The following NR3C2 variants were observed in gnomAD, a reference collection of about 807,000 sequenced individuals.
NR3C2 encodes the protein nuclear receptor subfamily 3 group C member 2.
A neutral mutation model predicts 86.4 loss-of-function variants in NR3C2; 15 were observed. That is an observed-to-expected ratio of 0.17 (90% CI 0.12 to 0.27). NR3C2 has a LOEUF of 0.27. Ranked by LOEUF, NR3C2 falls within the 10% of genes least tolerant of loss-of-function variation. The pLI is 1.00. For synonymous variants in NR3C2, 458 were observed against 450.5 expected (o/e 1.02, Z -0.21); for missense variants, 960 against 1,195.6 (o/e 0.80, Z 2.91).
At chr4:148,401,312 CT>C (rs1355578734) in intron 2 of NR3C2, among the ~76,000 whole-genome samples, 1 of 152,166 alleles carries the variant, frequency 6.6e-6, no homozygotes, top group Non-Finnish European at 1.5e-5. Flanking sequence ...TGTCTCCCTA[CT>C]AGCAGAAGGT....
intron 3 of NR3C2, among the ~76,000 whole-genome samples, chr4:148,205,795 A>G (rs1158436153): frequency 6.6e-6 from 1 of 152,238 alleles, no homozygotes; most frequent in Non-Finnish European, 1.5e-5. Flanking sequence ...TCACAGAAGA[A>G]ATAACAATAG....
At chr4:148,279,192 G>A (rs1022532298) in intron 2 of NR3C2, among the ~76,000 whole-genome samples, 2 of 151,968 alleles carry the variant, frequency 1.3e-5, no homozygotes, top group Non-Finnish European at 2.9e-5. Flanking sequence ...TTCTGGCTTT[G>A]AAACTAGTCT....
At chr4:148,163,389 T>C (rs1233565023) in intron 4 of NR3C2, among the ~76,000 whole-genome samples, 3 of 152,194 alleles carry the variant, frequency 2.0e-5, no homozygotes, top group Admixed American at 2.0e-4. Flanking sequence ...GAAAGAAATC[T>C]CTCTGGCTCA....
chr4:148,270,033 T>C lies in NR3C2; in HGVS notation c.1758-9916A>G, dbSNP rs539084709. 2.0e-5 allele frequency among the ~76,000 whole-genome samples: 3 copies of C among 152,096 alleles called. No individual in the cohort carries two copies. In the South Asian group the frequency reaches 6.2e-4, roughly 32 times the overall value. On this transcript the variant is annotated intron_variant, in intron 2 of 8. Coordinates refer to ENST00000358102, the MANE Select transcript of NR3C2 (RefSeq NM_000901.5). The stretch of plus-strand genomic sequence containing the variant: ...GAGGACTGATGGGTACCGGACCTAA[T>C]GTGAATCTTGAACACAAGTTATTTA...
At chr4:148,321,406 G>A (rs1236679336) in intron 2 of NR3C2, among the ~76,000 whole-genome samples, 10 of 151,468 alleles carry the variant, frequency 6.6e-5, no homozygotes, top group Non-Finnish European at 1.0e-4. Flanking sequence ...GCTTGGTGCA[G>A]AGCTGAGTTC....
intron 6 of NR3C2, among the ~76,000 whole-genome samples, chr4:148,127,670 A>C (rs962229261): frequency 3.9e-5 from 6 of 152,232 alleles, no homozygotes; most frequent in African/African-American, 1.4e-4. Flanking sequence ...TCTTATTTGC[A>C]GGAACAGAAT....
At chr4:148,220,598 G>A (rs1737785078) in intron 3 of NR3C2, among the ~76,000 whole-genome samples, 2 of 152,152 alleles carry the variant, frequency 1.3e-5, no homozygotes, top group African/African-American at 2.4e-5. Flanking sequence ...CTGAGCACAG[G>A]AGTTTGAGAC....
intron 2 of NR3C2, among the ~76,000 whole-genome samples, chr4:148,278,934 G>A (rs887575511): frequency 1.3e-5 from 2 of 151,220 alleles, no homozygotes; most frequent in East Asian, 1.9e-4. Flanking sequence ...AGGCTGAGAC[G>A]GGTAGATCAC....
intron 3 of NR3C2, among the ~76,000 whole-genome samples, chr4:148,196,133 C>T (rs1224522090): frequency 6.6e-6 from 1 of 152,086 alleles, no homozygotes. Flanking sequence ...TGGTGAGATT[C>T]TAGATGTATT....
At chr4:148,159,044 A>G (rs1426651023) in intron 4 of NR3C2, among the ~76,000 whole-genome samples, 5 of 152,198 alleles carry the variant, frequency 3.3e-5, no homozygotes, top group Non-Finnish European at 7.3e-5. Context: ...TTAATTCATT[A>G]TATTTATATC....
chr4:148,208,960 T>C (rs1301498786), intron 3 of NR3C2: 2 of 152,158 alleles, frequency 1.3e-5, no homozygotes, highest in South Asian at 2.1e-4. Flanking sequence ...ATGCAAAAAA[T>C]GGCCGGGCGC....
At chr4:148,254,625 T>C (rs373200986) in intron 3 of NR3C2, among the ~76,000 whole-genome samples, 5 of 152,220 alleles carry the variant, frequency 3.3e-5, no homozygotes, top group East Asian at 1.9e-4. Context: ...ATTAAAATCA[T>C]AGATATAACC....
At chr4:148,289,779 C>T (rs1741710680) in intron 2 of NR3C2, among the ~76,000 whole-genome samples, 1 of 152,106 alleles carries the variant, frequency 6.6e-6, no homozygotes, top group Non-Finnish European at 1.5e-5. Context: ...TCCCTTCCTC[C>T]CTTTTCTTTT....
chr4:148,143,028 T>C (rs1231787865), intron 6 of NR3C2, among the ~76,000 whole-genome samples: 1 of 152,188 alleles, frequency 6.6e-6, no homozygotes, highest in Non-Finnish European at 1.5e-5. Flanking sequence ...TCCTGTACAC[T>C]GTAGAACCAT....
chr4:148,425,593 G>A (rs1439076087), intron 2 of NR3C2, among the ~76,000 whole-genome samples: 1 of 152,180 alleles, frequency 6.6e-6, no homozygotes, highest in Non-Finnish European at 1.5e-5. Flanking sequence ...TCAGTGTGGG[G>A]AATGAGCAAG....
chr4:148,109,655 C>T (rs750229266), intron 8 of NR3C2, among the ~76,000 whole-genome samples: 8 of 152,082 alleles, frequency 5.3e-5, no homozygotes, highest in Non-Finnish European at 2.9e-5. Context: ...ATGTATGTCC[C>T]GAAAGTTGTG....
intron 6 of NR3C2, among the ~76,000 whole-genome samples, chr4:148,148,459 A>G (rs1476660391): frequency 1.3e-5 from 2 of 152,276 alleles, no homozygotes; most frequent in Middle Eastern, 6.8e-3. Context: ...CATCACTTAG[A>G]ACACTTCAAT....
At chr4:148,120,620 A>G (rs2149733810) in intron 6 of NR3C2, among the ~76,000 whole-genome samples, 1 of 152,324 alleles carries the variant, frequency 6.6e-6, no homozygotes, top group South Asian at 2.1e-4. Flanking sequence ...GAGACCATCC[A>G]CAAAGCAGAG....
intron 6 of NR3C2, among the ~76,000 whole-genome samples, chr4:148,142,639 T>C (rs1291577476): frequency 6.6e-6 from 1 of 152,098 alleles, no homozygotes; most frequent in Non-Finnish European, 1.5e-5. Context: ...GGACCACAGG[T>C]GTGCACCACC....
Sources: gnomAD v4.1 joint callset for allele counts (sites outside exome capture counted in the v4.1 genomes callset) on GRCh38, gnomAD v4.1.1 for gene constraint, MANE v1.5 for transcripts, NCBI Gene and HGNC (gene_info 2026-07-23, HGNC 2026-07-21) for gene names.